COPA: variants seen among roughly 807,000 people sequenced by gnomAD.
COPA encodes the protein coatomer subunit alpha.
In COPA, 10 loss-of-function variants were observed where a neutral mutation model predicts 158.7. The ratio of observed to expected loss-of-function variants is 0.06; its 90% CI spans 0.04 to 0.11. The LOEUF is 0.11. COPA is among the 10% of genes least tolerant of loss of function. COPA has a pLI of 1.00. For synonymous variants in COPA, 462 were observed against 542.8 expected (o/e 0.85, Z 2.07); for missense variants, 1,065 against 1,536.7 (o/e 0.69, Z 5.13).
chr1:160,318,486 AAAAAAC>A (rs1659226439), intron 8 of COPA, among the ~76,000 whole-genome samples: 11 of 68,980 alleles, frequency 1.6e-4, no homozygotes, highest in African/African-American at 5.7e-4. Flanking sequence ...AAAAAAAAAA[AAAAAAC>A]AAAAAAAAAA....
intron 23 of COPA, 64 bp downstream of exon 23, chr1:160,295,672 A>G (rs1172009596): frequency 3.5e-6 from 5 of 1,437,470 alleles, no homozygotes; most frequent in Non-Finnish European, 4.6e-6. Flanking sequence ...TGCTAATGGT[A>G]TTCTCTAGGA....
intron 6 of COPA, among the ~76,000 whole-genome samples, chr1:160,328,893 T>C (rs552084950): frequency 6.6e-6 from 1 of 152,200 alleles, no homozygotes; most frequent in Admixed American, 6.5e-5. Context: ...AAGATCTCTA[T>C]ATTCTCTTAC....
At chr1:160,334,813 C>A (rs1039081546) in intron 4 of COPA, among the ~76,000 whole-genome samples, 1 of 152,098 alleles carries the variant, frequency 6.6e-6, no homozygotes, top group South Asian at 2.1e-4. Flanking sequence ...CCACCAGACC[C>A]AAAAATCCTA....
In COPA at chr1:160,305,186, T is replaced by C. The variant is rs1283875382; in HGVS notation, c.1667+247A>G. ...TATTTTTTGACTTGGGTGGTAGTTA[T>C]GCTGATGTTCACTACATAACTTATT... On this transcript the variant is annotated intron_variant, in intron 17 of 32. Transcript: ENST00000241704. 4 of 349,246 alleles carry C rather than the reference T, an allele frequency of 1.1e-5. No individual in the cohort carries two copies. The Admixed American group carries it at 1.8e-4, about 15-fold the overall frequency. The allele number at this position is 349,246 out of a possible 1,614,324, so 21.6% of individuals were successfully genotyped here.
chr1:160,302,970 C>T (rs1481907980), intron 17 of COPA, among the ~76,000 whole-genome samples: 1 of 152,078 alleles, frequency 6.6e-6, no homozygotes, highest in Non-Finnish European at 1.5e-5. Flanking sequence ...GTCAGGAGTT[C>T]GAGACCAGCC....
chr1:160,340,543 TTC>T (rs1245818627), intron 1 of COPA, among the ~76,000 whole-genome samples: 1 of 152,198 alleles, frequency 6.6e-6, no homozygotes, highest in Non-Finnish European at 1.5e-5. Context: ...AGTTGATCCT[TTC>T]AAGGCTTGCT....
At chr1:160,309,217 A>G (rs764132735) in intron 12 of COPA, 41 bp from the exon 13 acceptor site, 1 of 1,439,468 alleles carries the variant, frequency 6.9e-7, no homozygotes, top group African/African-American at 1.4e-5. Context: ...AGTGAGAAGC[A>G]CCCAAGATAC....
At position 160,288,694 on chromosome 1, in the gene COPA, C is replaced by A. The variant is rs1218597644; in HGVS notation, c.*1463G>T. Among the ~76,000 whole-genome samples, 1 of 152,066 alleles carries A rather than the reference C, an allele frequency of 6.6e-6. No individual in the cohort carries two copies. The highest frequency in any genetic ancestry group is 2.4e-5 in the African/African-American group (1 of 41,402). Reference sequence around the variant, plus strand: ...GAAGGCACAGTAATGTCACTCTACCCAATTATTCTTAGCATATGACAAGCA... The same window carrying A: ...GAAGGCACAGTAATGTCACTCTACCAAATTATTCTTAGCATATGACAAGCA... On this transcript the variant is annotated 3_prime_UTR_variant, in exon 33 of 33. Coordinates refer to ENST00000241704, the MANE Select transcript of COPA (RefSeq NM_004371.4).
At chr1:160,323,752 C>A (rs148421448) in intron 7 of COPA, among the ~76,000 whole-genome samples, 1 of 152,298 alleles carries the variant, frequency 6.6e-6, no homozygotes, top group East Asian at 1.9e-4. Flanking sequence ...TATTTCTAAC[C>A]CCTAAACTCA....
At position 160,291,584 on chromosome 1, in the gene COPA, C is replaced by A. The variant is rs138488030; in HGVS notation, c.3259-88G>T. ...AGCTGCTACACATGCATAAAAAACA[C>A]AACACAAAATAGGATGATGGGCTAT... On this transcript the variant is annotated intron_variant, in intron 30 of 32. Transcript: ENST00000241704. 8.9e-3 allele frequency: 13,192 copies of A among 1,478,254 alleles called. 88 individuals carry two copies. The highest frequency in any genetic ancestry group is 9.9e-3 in the Non-Finnish European group (10,703 of 1,083,980). 91.6% of individuals were successfully genotyped at this position (1,478,254 alleles called of 1,614,324 possible).
chr1:160,323,537 A>T lies in COPA; in HGVS notation c.607-7T>A. 6.2e-7 allele frequency: 1 copy of T among 1,603,554 alleles called. No individual in the cohort carries two copies. Among genetic ancestry groups the T allele is most frequent in the Non-Finnish European group, 8.5e-7 (1 of 1,173,792 alleles). ...TTACTCCACGATCGTGACCCTGTAG[A>T]AAAGAGTGGTTCTTCTAAAACATCT... On this transcript the variant is annotated splice_polypyrimidine_tract_variant and splice_region_variant and intron_variant, in intron 7 of 32. Coordinates refer to ENST00000241704, the MANE Select transcript of COPA (RefSeq NM_004371.4).
chr1:160,311,476 G>A (rs995974103), intron 11 of COPA, among the ~76,000 whole-genome samples: 9 of 151,108 alleles, frequency 6.0e-5, no homozygotes, highest in Middle Eastern at 3.3e-3. Flanking sequence ...TAGGCTGGGC[G>A]CGGTGGCTCA....
At chr1:160,299,030 C>T (rs757775876) in intron 18 of COPA, 39 bp from the exon 19 acceptor site, 2 of 1,607,288 alleles carry the variant, frequency 1.2e-6, no homozygotes, top group East Asian at 4.5e-5. Flanking sequence ...AAGTAGACAT[C>T]ACTTACAGGA....
At chr1:160,306,183 C>T (rs751157258) in intron 15 of COPA, among the ~76,000 whole-genome samples, 171 bp downstream of exon 15, 5 of 152,036 alleles carry the variant, frequency 3.3e-5, no homozygotes, top group South Asian at 2.1e-4. Context: ...CTAGTGTGGA[C>T]GTGAAGAATG....
intron 3 of COPA, among the ~76,000 whole-genome samples, chr1:160,338,764 T>C (rs1046319162): frequency 2.0e-5 from 3 of 152,194 alleles, no homozygotes; most frequent in Non-Finnish European, 4.4e-5. Context: ...CTTCTCCCTC[T>C]TGGTTCATCT....
At chr1:160,303,402 T>C (rs542342433) in intron 17 of COPA, among the ~76,000 whole-genome samples, 23 of 152,238 alleles carry the variant, frequency 1.5e-4, no homozygotes, top group Non-Finnish European at 3.2e-4. Flanking sequence ...ACATGATTTA[T>C]GTATAACAAA....
intron 8 of COPA, among the ~76,000 whole-genome samples, chr1:160,317,913 T>G (rs1659198685): frequency 6.6e-6 from 1 of 152,202 alleles, no homozygotes; most frequent in African/African-American, 2.4e-5. Flanking sequence ...CCCCTTCATA[T>G]TACCCTCTCC....
intron 28 of COPA, 137 bp downstream of exon 28, chr1:160,292,347 A>G (rs1658267932): frequency 6.4e-7 from 1 of 1,570,242 alleles, no homozygotes; most frequent in Non-Finnish European, 8.6e-7. Flanking sequence ...AACCAACCCC[A>G]TAGAGTAACA....
At chr1:160,312,576 G>A (rs1342903038) in intron 10 of COPA, among the ~76,000 whole-genome samples, 3 of 152,068 alleles carry the variant, frequency 2.0e-5, no homozygotes, top group African/African-American at 7.2e-5. Context: ...TCACTTTCCT[G>A]CCCAAAACCT....
Sources: gnomAD v4.1 joint callset for allele counts (sites outside exome capture counted in the v4.1 genomes callset) on GRCh38, gnomAD v4.1.1 for gene constraint, MANE v1.5 for transcripts, NCBI Gene and HGNC (gene_info 2026-07-23, HGNC 2026-07-21) for gene names.